MSI2: variants seen among roughly 807,000 people sequenced by gnomAD.
MSI2 encodes RNA-binding protein Musashi homolog 2.
Under a neutral mutation model 45.6 loss-of-function variants are expected in MSI2, and 17 were observed. The ratio of observed to expected loss-of-function variants is 0.37; its 90% CI spans 0.26 to 0.56. The LOEUF is 0.56. Among genes scored for constraint, MSI2 ranks in the 20% least tolerant of loss-of-function variants. MSI2 has a pLI of 0.77. For missense variants in MSI2, 293 were observed against 444.2 expected (o/e 0.66, Z 3.06); for synonymous variants, 156 against 158.2 (o/e 0.99, Z 0.11).
chr17:57,474,727 T>C (rs2085506150), intron 6 of MSI2, among the ~76,000 whole-genome samples: 1 of 148,090 alleles, frequency 6.8e-6, no homozygotes, highest in Admixed American at 7.0e-5. Flanking sequence ...TTTTTGTTTT[T>C]GTTTTTGTTT....
intron 5 of MSI2, among the ~76,000 whole-genome samples, chr17:57,340,811 G>C (rs145797806): frequency 6.6e-6 from 1 of 152,276 alleles, no homozygotes; most frequent in South Asian, 2.1e-4. Flanking sequence ...GATTTCCAGC[G>C]TGCCAGACAT....
At position 57,398,398 on chromosome 17, in the gene MSI2, A is replaced by G. The variant is rs181917600; in HGVS notation, c.313-2981A>G. Among the ~76,000 whole-genome samples, 52 of 152,284 alleles carry G rather than the reference A, an allele frequency of 3.4e-4. 1 individual carries two copies. The East Asian group carries it at 9.9e-3, about 29-fold the overall frequency. On this transcript the variant is annotated intron_variant, in intron 5 of 13. Transcript: ENST00000284073. ...AGTGTTTCTTTACAGACATTTAATT[A>G]CTTGGCTGGGGTAAGGGAAAAAAAG...
intron 5 of MSI2, among the ~76,000 whole-genome samples, chr17:57,282,458 A>C (rs1402204671): frequency 6.6e-6 from 1 of 152,100 alleles, no homozygotes; most frequent in African/African-American, 2.4e-5. Context: ...TGGCCTCCTG[A>C]GCCATATTTC....
At chr17:57,503,469 C>A (rs1271191274) in intron 6 of MSI2, among the ~76,000 whole-genome samples, 1 of 152,196 alleles carries the variant, frequency 6.6e-6, no homozygotes, top group Non-Finnish European at 1.5e-5. Flanking sequence ...ATATATGACA[C>A]ATGTATTAAA....
intron 5 of MSI2, among the ~76,000 whole-genome samples, chr17:57,306,648 GAC>G (rs1389521537): frequency 6.6e-6 from 1 of 152,252 alleles, no homozygotes; most frequent in Non-Finnish European, 1.5e-5. Context: ...TGTACCTGGT[GAC>G]AGTTAGATGT....
Position 57,595,535 on chromosome 17 carries a change from C to T in MSI2, c.455-1333C>T, listed in dbSNP as rs115657411. Among the ~76,000 whole-genome samples, 598 of 152,192 alleles carry T rather than the reference C, an allele frequency of 3.9e-3. 4 individuals are homozygous for T. The highest frequency in any genetic ancestry group is 0.014 in the African/African-American group (573 of 41,516). On this transcript the variant is annotated intron_variant, in intron 7 of 13. Coordinates refer to ENST00000284073, the MANE Select transcript of MSI2 (RefSeq NM_138962.4). ...GTCATTTCTGGGAGGGCCCCCCTTC[C>T]TGTGTACAGACAGCTGCCTTCCTGT...
At chr17:57,375,872 C>G (rs548034430) in intron 5 of MSI2, among the ~76,000 whole-genome samples, 18 of 152,286 alleles carry the variant, frequency 1.2e-4, no homozygotes, top group Middle Eastern at 3.4e-3. Flanking sequence ...ATGTCTGTTC[C>G]TGTAGCCAAG....
Position 57,531,586 on chromosome 17 carries a change from T to C in MSI2, c.454+1862T>C, listed in dbSNP as rs551642620. On this transcript the variant is annotated intron_variant, in intron 7 of 13. Coordinates refer to ENST00000284073, the MANE Select transcript of MSI2 (RefSeq NM_138962.4). The stretch of plus-strand genomic sequence containing the variant: ...GTGATGCCCATTTGAGTTTGGCACC[T>C]GGTGTTCAGTGTTAGAATTCATAGT... Among the ~76,000 whole-genome samples, 19 of 152,350 alleles carry C rather than the reference T, an allele frequency of 1.2e-4. No homozygotes were observed. In the East Asian group the frequency reaches 3.7e-3, roughly 29 times the overall value.
intron 6 of MSI2, among the ~76,000 whole-genome samples, chr17:57,420,882 C>A (rs942603731): frequency 6.6e-5 from 10 of 152,232 alleles, no homozygotes; most frequent in African/African-American, 2.4e-4. Context: ...AGGCGGCCTG[C>A]AGTTCAGGCG....
At chr17:57,385,853 A>T (rs947430923) in intron 5 of MSI2, among the ~76,000 whole-genome samples, 2 of 152,166 alleles carry the variant, frequency 1.3e-5, no homozygotes, top group African/African-American at 4.8e-5. Flanking sequence ...CCATTTTATT[A>T]CACCTGTCTC....
intron 11 of MSI2, among the ~76,000 whole-genome samples, chr17:57,658,868 G>A: frequency 6.6e-6 from 1 of 152,166 alleles, no homozygotes; most frequent in Admixed American, 6.5e-5. Context: ...GCTCCATAAG[G>A]GCGCGCAGAG....
chr17:57,550,510 G>C (rs1013733995), intron 7 of MSI2, among the ~76,000 whole-genome samples: 1 of 152,162 alleles, frequency 6.6e-6, no homozygotes, highest in Non-Finnish European at 1.5e-5. Flanking sequence ...TTTGGATTTG[G>C]GGGGGTCACA....
intron 6 of MSI2, among the ~76,000 whole-genome samples, chr17:57,422,406 G>A (rs1044822213): frequency 6.6e-6 from 1 of 152,306 alleles, no homozygotes; most frequent in African/African-American, 2.4e-5. Context: ...GTTGCAGTGA[G>A]CTGAGATCGC....
chr17:57,679,196 G>T (rs1483396139), intron 13 of MSI2, among the ~76,000 whole-genome samples: 1 of 152,108 alleles, frequency 6.6e-6, no homozygotes, highest in Non-Finnish European at 1.5e-5. Context: ...ACAGAAAAAA[G>T]GTATCTCAGG....
intron 13 of MSI2, 80 bp downstream of exon 13, chr17:57,677,139 G>T (rs558179147): frequency 3.1e-6 from 3 of 973,854 alleles, no homozygotes; most frequent in Non-Finnish European, 1.7e-6. Context: ...ATGCACGTGC[G>T]TGCCCCTGTC....
intron 6 of MSI2, among the ~76,000 whole-genome samples, chr17:57,457,841 C>T (rs2085145015): frequency 6.6e-6 from 1 of 152,064 alleles, no homozygotes; most frequent in African/African-American, 2.4e-5. Context: ...TCCAGGAGTT[C>T]AAGAATGCAG....
In MSI2 at chr17:57,674,976, C is replaced by A; in HGVS notation, c.795C>A (p.Ser265=). Residue 265 remains serine (S), a synonymous_variant, in exon 12 of 14, where the codon TCC becomes TCA. Coordinates refer to ENST00000284073, the MANE Select transcript of MSI2 (RefSeq NM_138962.4). ...GCGCGCCCGCTTCCCCGGCAGGCTC[C>A]AACCCGGCGCGGCCCGGAGGCTTCC... ...AAVAAARGSG[S]NPARPGGFPG... is the part of the protein sequence containing the mutation. 6.2e-7 allele frequency: 1 copy of A among 1,613,264 alleles called. No individual in the cohort carries two copies. Among genetic ancestry groups the A allele is most frequent in the Non-Finnish European group, 8.5e-7 (1 of 1,179,684 alleles).
chr17:57,318,650 G>A (rs1342693169), intron 5 of MSI2, among the ~76,000 whole-genome samples: 2 of 151,092 alleles, frequency 1.3e-5, no homozygotes, highest in East Asian at 2.0e-4. Flanking sequence ...GTTGTGGGGG[G>A]TGGGGGCGGA....
At chr17:57,384,770 T>C (rs929413511) in intron 5 of MSI2, among the ~76,000 whole-genome samples, 5 of 152,210 alleles carry the variant, frequency 3.3e-5, no homozygotes, top group Non-Finnish European at 7.3e-5. Flanking sequence ...ATGATTTCAG[T>C]GGCCACTAGA....
Sources: allele counts gnomAD v4.1 joint callset (sites outside exome capture counted in the v4.1 genomes callset), GRCh38; gene constraint gnomAD v4.1.1; transcripts MANE v1.5; gene names NCBI Gene and HGNC (gene_info 2026-07-23, HGNC 2026-07-21).